The following CD44 variants were observed in gnomAD, a reference collection of about 807,000 sequenced individuals.
CD44 encodes the protein CD44 antigen.
CD44 carries 49 observed loss-of-function variants against 88.8 expected under a neutral mutation model. That is an observed-to-expected ratio of 0.55 (90% CI 0.44 to 0.70). The LOEUF is 0.70. Ranked by LOEUF, CD44 falls within the 30% of genes least tolerant of loss-of-function variation. The pLI, the probability that CD44 is intolerant of heterozygous loss-of-function variation, is 0.00. For synonymous variants in CD44, 325 were observed against 312.3 expected (o/e 1.04, Z -0.43); for missense variants, 883 against 913.8 (o/e 0.97, Z 0.43).
intron 7 of CD44, 132 bp from the exon 8 acceptor site, chr11:35,200,950 C>T (rs1591225518): frequency 1.4e-6 from 1 of 709,896 alleles, no homozygotes; most frequent in East Asian, 2.5e-5. Flanking sequence ...CCTCCATTTC[C>T]ATGCAGCCAT....
At chr11:35,194,978 A>G (rs1020772167) in intron 5 of CD44, among the ~76,000 whole-genome samples, 1 of 152,232 alleles carries the variant, frequency 6.6e-6, no homozygotes, top group Non-Finnish European at 1.5e-5. Flanking sequence ...GATTTCTCTC[A>G]TCAAAGTGTA....
chr11:35,190,607 A>G (rs1452896844), intron 5 of CD44, among the ~76,000 whole-genome samples: 2 of 152,222 alleles, frequency 1.3e-5, no homozygotes, highest in African/African-American at 4.8e-5. Context: ...TAGCTTTCCA[A>G]TAATGGAACA....
intron 9 of CD44, among the ~76,000 whole-genome samples, chr11:35,202,604 C>T (rs1373191035): frequency 6.6e-6 from 1 of 152,122 alleles, no homozygotes; most frequent in South Asian, 2.1e-4. Flanking sequence ...CCTAGATACA[C>T]CTAATGGGGA....
At chr11:35,187,137 A>G (rs1275145766) in intron 4 of CD44, among the ~76,000 whole-genome samples, 1 of 152,054 alleles carries the variant, frequency 6.6e-6, no homozygotes, top group Non-Finnish European at 1.5e-5. Flanking sequence ...AGCTGGGCAT[A>G]GTGGCAGGTG....
rs1358464596 is a variant in CD44 at position 35,231,688 on chromosome 11, CT to C, written c.*2356del. The stretch of plus-strand genomic sequence containing the variant: ...TAAGATGTATTCTCACTCCCTTGAT[CT>C]CAAGGGCGTAACTCTGGAAGCACAG... On this transcript the variant is annotated 3_prime_UTR_variant, in exon 18 of 18. Coordinates refer to ENST00000428726, the MANE Select transcript of CD44 (RefSeq NM_000610.4). 1.3e-5 allele frequency: 2 copies of C among 152,146 alleles called. No individual in the cohort carries two copies. Among genetic ancestry groups the C allele is most frequent in the Non-Finnish European group, 2.9e-5 (2 of 68,016 alleles). 9.4% of individuals were successfully genotyped at this position (152,146 alleles called of 1,614,324 possible).
chr11:35,144,230 A>C (rs1858615936), intron 1 of CD44, among the ~76,000 whole-genome samples: 1 of 152,170 alleles, frequency 6.6e-6, no homozygotes, highest in Non-Finnish European at 1.5e-5. Flanking sequence ...GGGATAAGAG[A>C]GTAACTGCAA....
intron 1 of CD44, among the ~76,000 whole-genome samples, chr11:35,170,499 A>G (rs1029143000): frequency 6.6e-6 from 1 of 152,160 alleles, no homozygotes; most frequent in African/African-American, 2.4e-5. Flanking sequence ...GCCTGGTGGC[A>G]TTTCTACCAC....
intron 10 of CD44, 128 bp from the exon 11 acceptor site, chr11:35,205,984 C>T: frequency 1.5e-6 from 2 of 1,337,306 alleles, no homozygotes; most frequent in East Asian, 3.0e-5. Flanking sequence ...CTTCCTTGCC[C>T]TCTATACAAG....
intron 14 of CD44, 170 bp from the exon 15 acceptor site, chr11:35,214,682 C>T (rs140086715): frequency 5.9e-4 from 237 of 402,614 alleles, no homozygotes; most frequent in Admixed American, 7.1e-4. Flanking sequence ...AAGCAATGAA[C>T]GGTAATTAAC....
At chr11:35,198,706 T>A (rs1946998973) in intron 7 of CD44, among the ~76,000 whole-genome samples, 3 of 152,058 alleles carry the variant, frequency 2.0e-5, no homozygotes, top group South Asian at 4.1e-4. Flanking sequence ...AGGCCAGGCG[T>A]GGTGGCTCAC....
intron 8 of CD44, 66 bp downstream of exon 8, chr11:35,201,261 C>A: frequency 9.0e-7 from 1 of 1,115,746 alleles, no homozygotes; most frequent in South Asian, 1.2e-5. Context: ...CTGCAAAGGT[C>A]AATCATCGAG....
At chr11:35,152,577 T>G (rs1039630356) in intron 1 of CD44, among the ~76,000 whole-genome samples, 6 of 152,240 alleles carry the variant, frequency 3.9e-5, no homozygotes, top group Non-Finnish European at 8.8e-5. Flanking sequence ...TGTTTTGTGC[T>G]AGTAGGCAGA....
intron 1 of CD44, among the ~76,000 whole-genome samples, chr11:35,167,888 G>T (rs1943472733): frequency 6.6e-6 from 1 of 152,184 alleles, no homozygotes; most frequent in East Asian, 1.9e-4. Flanking sequence ...GGCTGTAAAG[G>T]GCAGGAGGCC....
intron 3 of CD44, among the ~76,000 whole-genome samples, chr11:35,181,131 A>G (rs924947721): frequency 1.3e-5 from 2 of 152,166 alleles, no homozygotes; most frequent in Admixed American, 6.5e-5. Flanking sequence ...TTGGGGTGTA[A>G]GTCAAATGTC....
At chr11:35,176,251 C>T (rs1421849933) in intron 1 of CD44, among the ~76,000 whole-genome samples, 1 of 152,072 alleles carries the variant, frequency 6.6e-6, no homozygotes, top group Non-Finnish European at 1.5e-5. Flanking sequence ...ACCGTGTTAG[C>T]CAGGATGGTC....
At chr11:35,181,782 A>G (rs1945039957) in intron 3 of CD44, among the ~76,000 whole-genome samples, 2 of 100,678 alleles carry the variant, frequency 2.0e-5, no homozygotes, top group African/African-American at 4.1e-5. Flanking sequence ...ATATTTATTT[A>G]TATAAATTTA....
chr11:35,164,028 C>A (rs1377650466), intron 1 of CD44, among the ~76,000 whole-genome samples: 1 of 152,054 alleles, frequency 6.6e-6, no homozygotes, highest in East Asian at 1.9e-4. Flanking sequence ...AAGTACCGAG[C>A]ACAGAGCCTG....
intron 7 of CD44, among the ~76,000 whole-genome samples, chr11:35,199,418 C>T (rs1947075685): frequency 6.6e-6 from 1 of 151,852 alleles, no homozygotes; most frequent in South Asian, 2.1e-4. Flanking sequence ...GAACCTGACT[C>T]CATCACAGTT....
intron 14 of CD44, 78 bp from the exon 15 acceptor site, chr11:35,214,774 G>C (rs897269124): frequency 1.3e-6 from 1 of 786,972 alleles, no homozygotes; most frequent in Middle Eastern, 2.5e-4. Flanking sequence ...GGCTGTATAA[G>C]AATGCAAAGG....
Sources: gnomAD v4.1 joint callset for allele counts (sites outside exome capture counted in the v4.1 genomes callset) on GRCh38, gnomAD v4.1.1 for gene constraint, MANE v1.5 for transcripts, NCBI Gene and HGNC (gene_info 2026-07-23, HGNC 2026-07-21) for gene names.